The following DTWD2 variants were observed in gnomAD, a reference collection of about 807,000 sequenced individuals.
DTWD2 encodes the protein DTW motif tRNA-uridine aminocarboxypropyltransferase 2.
Under a neutral mutation model 31.8 loss-of-function variants are expected in DTWD2, and 39 were observed. The ratio of observed to expected loss-of-function variants is 1.22; its 90% CI spans 0.95 to 1.60. DTWD2 has a LOEUF of 1.60. DTWD2 is among the 40% of genes most tolerant of loss of function. DTWD2 has a pLI of 0.00. For synonymous variants in DTWD2, 180 were observed against 142.8 expected, an observed-to-expected ratio of 1.26 and a Z score of -1.86; for missense variants, 515 against 381.5, an observed-to-expected ratio of 1.35 and a Z score of -2.92.
At chr5:118,964,609 T>A (rs1163741043) in intron 1 of DTWD2, among the ~76,000 whole-genome samples, 1 of 152,166 alleles carries the variant, frequency 6.6e-6, no homozygotes, top group Non-Finnish European at 1.5e-5. Flanking sequence ...CTGACTGGTT[T>A]TCGTATTTTT....
rs189745519 is a variant in DTWD2 at position 118,860,829 on chromosome 5, C to A, written c.598-12611G>T. ...TATTTTTTTCTTTGTCTATTAATAT[C>A]TTCTGCCTATTCTTCTATAAGATTA... On this transcript the variant is annotated intron_variant, in intron 4 of 5. Transcript: ENST00000510708. Among the ~76,000 whole-genome samples, 4 of 152,202 alleles carry A rather than the reference C, an allele frequency of 2.6e-5. No homozygotes were observed. In the East Asian group the frequency reaches 7.7e-4, roughly 29 times the overall value.
chr5:118,935,036 G>T (rs558411862), intron 3 of DTWD2, among the ~76,000 whole-genome samples: 1 of 152,102 alleles, frequency 6.6e-6, no homozygotes, highest in African/African-American at 2.4e-5. Flanking sequence ...AAAGACTAAG[G>T]GGAAGGAGAG....
chr5:118,900,860 G>C (rs1044359270), intron 4 of DTWD2, among the ~76,000 whole-genome samples: 11 of 151,486 alleles, frequency 7.3e-5, no homozygotes, highest in African/African-American at 2.7e-4. Flanking sequence ...AGGAGGCAGA[G>C]CTTGCAGTGA....
rs527276163 is a variant in DTWD2 at position 118,980,989 on chromosome 5, ATGTGG to A, written c.218+7300_218+7304del. On this transcript the variant is annotated intron_variant, in intron 1 of 5. Coordinates refer to ENST00000510708, the MANE Select transcript of DTWD2 (RefSeq NM_173666.4). ...GATGAATGGATAATAGATCAACAAA[ATGTGG>A]TTATACACATAAAATTCAGCCACAG... Among the ~76,000 whole-genome samples, 19 of 152,348 alleles carry A rather than the reference ATGTGG, an allele frequency of 1.2e-4. 1 individual carries two copies. In the South Asian group the frequency reaches 3.7e-3, roughly 30 times the overall value.
intron 1 of DTWD2, among the ~76,000 whole-genome samples, chr5:118,979,801 G>A (rs1280458892): frequency 1.3e-5 from 2 of 152,236 alleles, no homozygotes; most frequent in East Asian, 3.8e-4. Flanking sequence ...TGAACAATGA[G>A]AACACACAGA....
chr5:118,882,667 T>G (rs2149555242), intron 4 of DTWD2, among the ~76,000 whole-genome samples: 1 of 152,360 alleles, frequency 6.6e-6, no homozygotes, highest in South Asian at 2.1e-4. Flanking sequence ...ACATGGAAAT[T>G]GCCAAAGCTT....
chr5:118,883,824 T>A (rs1752796664), intron 4 of DTWD2, among the ~76,000 whole-genome samples: 1 of 152,098 alleles, frequency 6.6e-6, no homozygotes, highest in Admixed American at 6.5e-5. Flanking sequence ...AGCCAAACCA[T>A]ATCACAAGAT....
chr5:118,916,753 G>A (rs1753587749), intron 4 of DTWD2, among the ~76,000 whole-genome samples: 1 of 151,672 alleles, frequency 6.6e-6, no homozygotes, highest in Non-Finnish European at 1.5e-5. Flanking sequence ...ATTTAATGTG[G>A]AAGAAGCTTT....
chr5:118,849,479 C>A (rs115836263), intron 4 of DTWD2, among the ~76,000 whole-genome samples: 3 of 152,080 alleles, frequency 2.0e-5, no homozygotes, highest in Admixed American at 1.3e-4. Context: ...AATTCCTCAA[C>A]GATCTACAAC....
At chr5:118,931,883 T>C (rs972147617) in intron 3 of DTWD2, among the ~76,000 whole-genome samples, 1 of 152,214 alleles carries the variant, frequency 6.6e-6, no homozygotes, top group African/African-American at 2.4e-5. Context: ...ATACAAAGTA[T>C]GCTCTCAGAC....
chr5:118,850,546 C>CCAAGGACTA (rs1751977873), intron 4 of DTWD2, among the ~76,000 whole-genome samples: 1 of 143,374 alleles, frequency 7.0e-6, no homozygotes, highest in Non-Finnish European at 1.5e-5. Context: ...AAATGTAAGG[C>CCAAGGACTA]CAAGGACTAT....
chr5:118,960,206 T>A (rs868183457), intron 1 of DTWD2, among the ~76,000 whole-genome samples: 1 of 152,194 alleles, frequency 6.6e-6, no homozygotes, highest in Non-Finnish European at 1.5e-5. Flanking sequence ...AAAGGTCTAA[T>A]ATTCAGAATC....
chr5:118,944,910 A>G (rs1220535436), intron 1 of DTWD2, among the ~76,000 whole-genome samples: 6 of 152,212 alleles, frequency 3.9e-5, no homozygotes, highest in Admixed American at 3.9e-4. Context: ...ATTTAGAGAA[A>G]GAATACCTAT....
At chr5:118,964,001 G>T (rs1194572297) in intron 1 of DTWD2, among the ~76,000 whole-genome samples, 1 of 152,112 alleles carries the variant, frequency 6.6e-6, no homozygotes, top group African/African-American at 2.4e-5. Flanking sequence ...CTTGAGGTCA[G>T]GTGTTCAAGA....
In DTWD2 at chr5:118,846,273, T is replaced by TTAG. The variant is rs538239557; in HGVS notation, c.726+1814_726+1816dup. On this transcript the variant is annotated intron_variant, in intron 5 of 5. Coordinates refer to ENST00000510708, the MANE Select transcript of DTWD2 (RefSeq NM_173666.4). Reference sequence around the variant, plus strand: ...TGGAGAGAAGGGAGCACCAGCAGAATTAGTAGTAGTAGTAGTACAAACCCT... The same window carrying TTAG: ...TGGAGAGAAGGGAGCACCAGCAGAATTAGTAGTAGTAGTAGTAGTACAAACCCT... 1.9e-4 allele frequency among the ~76,000 whole-genome samples: 29 copies of TTAG among 152,016 alleles called. No individual in the cohort carries two copies. The South Asian group carries it at 3.9e-3, about 21-fold the overall frequency.
At chr5:118,962,401 C>A (rs1242985152) in intron 1 of DTWD2, among the ~76,000 whole-genome samples, 2 of 152,064 alleles carry the variant, frequency 1.3e-5, no homozygotes, top group Non-Finnish European at 2.9e-5. Context: ...CACCTATATA[C>A]AGCTAAGAAT....
rs187925511 is a variant in DTWD2 at position 118,956,795 on chromosome 5, T to C, written c.219-12146A>G. Among the ~76,000 whole-genome samples, 289 of 152,230 alleles carry C rather than the reference T, an allele frequency of 1.9e-3. 1 individual carries two copies. Among genetic ancestry groups the C allele is most frequent in the Non-Finnish European group, 3.4e-3 (232 of 68,006 alleles). The stretch of plus-strand genomic sequence containing the variant: ...CAACAAAATTTTTATACTCCTAACA[T>C]AGCGAAAAAGCAAAGAACAAAAAGT... On this transcript the variant is annotated intron_variant, in intron 1 of 5. Transcript: ENST00000510708.
chr5:118,920,956 A>T (rs1016820195), intron 4 of DTWD2, among the ~76,000 whole-genome samples: 1 of 152,198 alleles, frequency 6.6e-6, no homozygotes, highest in Non-Finnish European at 1.5e-5. Flanking sequence ...GAATGGATGG[A>T]AGTAGGGAGG....
chr5:118,944,672 A>C, intron 1 of DTWD2, 23 bp from the exon 2 acceptor site: 1 of 1,605,524 alleles, frequency 6.2e-7, no homozygotes, highest in Non-Finnish European at 8.5e-7. Context: ...AAGAAAAATA[A>C]AACTGGTAAA....
Sources: allele counts gnomAD v4.1 joint callset (sites outside exome capture counted in the v4.1 genomes callset), GRCh38; gene constraint gnomAD v4.1.1; transcripts MANE v1.5; gene names NCBI Gene and HGNC (gene_info 2026-07-23, HGNC 2026-07-21).